Variants in GZMK observed in about 807,000 individuals in gnomAD.
GZMK encodes the protein granzyme K, also known as NK-Tryp-2.
GZMK carries 18 observed loss-of-function variants against 22.8 expected under a neutral mutation model. That is an observed-to-expected ratio of 0.79 (90% CI 0.54 to 1.17). The LOEUF (loss-of-function observed/expected upper bound fraction) is 1.17, where lower values mean the gene tolerates loss of function less well. Ranked by LOEUF, GZMK falls within the 50% of genes most tolerant of loss-of-function variation. GZMK has a pLI of 0.00. For synonymous variants in GZMK, 136 were observed against 115.0 expected (o/e 1.18, Z -1.17); for missense variants, 342 against 320.2 (o/e 1.07, Z -0.52).
chr5:55,032,568 C>T (rs1374632367), intron 4 of GZMK: 1 of 152,144 alleles, frequency 6.6e-6, no homozygotes, highest in Non-Finnish European at 1.5e-5. Context: ...CCCGTTTCTA[C>T]AAAAAATACA....
intron 3 of GZMK, 67 bp from the exon 4 acceptor site, chr5:55,031,297 C>G (rs1224558674): frequency 7.3e-7 from 1 of 1,365,010 alleles, no homozygotes; most frequent in South Asian, 1.3e-5. Flanking sequence ...ACCACACATA[C>G]GACGCACAGG....
At chr5:55,032,736 G>GA (rs1388870204) in intron 4 of GZMK, 22 of 151,284 alleles carry the variant, frequency 1.5e-4, no homozygotes. Context: ...TGTCTTAAAA[G>GA]AAAAAAAGGA....
chr5:55,034,368 G>T lies in GZMK; in HGVS notation c.*442G>T. On this transcript the variant is annotated 3_prime_UTR_variant, in exon 5 of 5. Transcript: ENST00000231009. ...GTATGATACATTATTGTTAACTATAGGCATGATCTTGCAGTGCAGATCTCT... is the reference window on the plus strand; with the variant it reads ...GTATGATACATTATTGTTAACTATATGCATGATCTTGCAGTGCAGATCTCT... The T allele has an allele frequency of 6.4e-6, 1 of 156,186 alleles. No individual in the cohort carries two copies. The highest frequency in any genetic ancestry group is 1.4e-5 in the Non-Finnish European group (1 of 70,458). The allele number at this position is 156,186 out of a possible 1,614,324, so 9.7% of individuals were successfully genotyped here.
intron 2 of GZMK, 132 bp downstream of exon 2, chr5:55,024,939 T>G (rs374443225): frequency 7.4e-6 from 4 of 538,550 alleles, no homozygotes; most frequent in African/African-American, 3.8e-5. Context: ...CTGGTGGCGT[T>G]TATTTACCTT....
Position 55,033,917 on chromosome 5 carries a change from T to C in GZMK, c.786T>C (p.His262=), listed in dbSNP as rs199899740. The C allele has an allele frequency of 1.3e-4, 212 of 1,599,218 alleles. No individual in the cohort carries two copies. Among genetic ancestry groups the C allele is most frequent in the Non-Finnish European group, 1.6e-4 (192 of 1,176,082 alleles). ...TCAAAAGCAACCTTGTCCCGCCTCA[T>C]ACAAATTAAGTTACAAATAATTTTA... The part of the protein sequence containing the change: ...TWIKSNLVPP[H]TN The change falls in exon 5 of 5, where the codon CAT becomes CAC. Residue 262 remains histidine, a synonymous_variant. Transcript: ENST00000231009.
At chr5:55,031,656 G>A in intron 4 of GZMK, 23 bp downstream of exon 4, 2 of 1,604,328 alleles carry the variant, frequency 1.2e-6, no homozygotes, top group Non-Finnish European at 1.7e-6. Context: ...CTTTCAAACA[G>A]GCATCTTGGA....
At chr5:55,029,706 G>A (rs1032544144) in intron 2 of GZMK, among the ~76,000 whole-genome samples, 2 of 152,162 alleles carry the variant, frequency 1.3e-5, no homozygotes, top group Non-Finnish European at 2.9e-5. Context: ...ACCATGCCCA[G>A]CATGCACCAG....
intron 2 of GZMK, among the ~76,000 whole-genome samples, chr5:55,029,860 T>C (rs1433892259): frequency 1.3e-5 from 2 of 152,146 alleles, no homozygotes; most frequent in African/African-American, 4.8e-5. Flanking sequence ...CTGGCTACCT[T>C]AATTATTAAA....
intron 4 of GZMK, 98 bp downstream of exon 4, chr5:55,031,731 A>C: frequency 1.1e-6 from 1 of 900,480 alleles, no homozygotes; most frequent in Non-Finnish European, 1.7e-6. Context: ...GGCATGGAGA[A>C]TACAAAACCA....
chr5:55,030,386 G>A, intron 2 of GZMK, 48 bp from the exon 3 acceptor site: 1 of 1,587,470 alleles, frequency 6.3e-7, no homozygotes, highest in Non-Finnish European at 8.6e-7. Flanking sequence ...TCCCCACTGG[G>A]GGATTTGGAA....
At chr5:55,028,692 G>C (rs1228423293) in intron 2 of GZMK, 1 of 152,158 alleles carries the variant, frequency 6.6e-6, no homozygotes, top group Non-Finnish European at 1.5e-5. Flanking sequence ...TTTCCAAGTA[G>C]CAAAGAAATA....
chr5:55,026,065 T>C lies in GZMK; in HGVS notation c.212+1258T>C, dbSNP rs143035892. ...TGGGGAACTGTCAGCGAATGTTCATTTGATGCAAAATATGCACATCTTCAA... is the reference window on the plus strand; with the variant it reads ...TGGGGAACTGTCAGCGAATGTTCATCTGATGCAAAATATGCACATCTTCAA... On this transcript the variant is annotated intron_variant, in intron 2 of 4. Transcript: ENST00000231009. Among the ~76,000 whole-genome samples the C allele has an allele frequency of 2.8e-3, 431 of 152,340 alleles. 1 individual carries two copies. The highest frequency in any genetic ancestry group is 7.3e-3 in the African/African-American group (304 of 41,576).
At position 55,033,800 on chromosome 5, in the gene GZMK, C is replaced by T. The variant is rs748882473; in HGVS notation, c.669C>T (p.Val223=). Residue 223 remains valine (V), a synonymous_variant, in exon 5 of 5, where the codon GTC becomes GTT. Coordinates refer to ENST00000231009, the MANE Select transcript of GZMK (RefSeq NM_002104.3). ...GGGGCCCCTTGATCTGTAAAGGTGT[C>T]TTCCACGCTATAGTCTCTGGAGGTC... ...DSGGPLICKG[V]FHAIVSGGHE... is the part of the protein sequence containing the mutation. 3.7e-6 allele frequency: 6 copies of T among 1,613,592 alleles called. No individual in the cohort carries two copies. The highest frequency in any genetic ancestry group is 1.3e-5 in the African/African-American group (1 of 75,044).
intron 2 of GZMK, among the ~76,000 whole-genome samples, chr5:55,025,305 G>A (rs1278023762): frequency 6.6e-6 from 1 of 152,130 alleles, no homozygotes; most frequent in Non-Finnish European, 1.5e-5. Flanking sequence ...AGTATTATAC[G>A]CATGAGAAGC....
At position 55,033,871 on chromosome 5, in the gene GZMK, C is replaced by G; in HGVS notation, c.740C>G (p.Thr247Ser). The change falls in exon 5 of 5, where the codon ACC (threonine) becomes AGC (serine). Residue 247 changes from threonine (T) to serine (S), a missense_variant. By Grantham distance (58) the Thr-to-Ser change is moderately conservative. Transcript: ENST00000231009. ...AAGCCTGGAATCTACACCCTGTTAA[C>G]CAAGAAATACCAGACTTGGATCAAA... The part of the protein sequence containing the change: ...ATKPGIYTLL[T>S]KKYQTWIKSN... 13 of 1,613,772 alleles carry G rather than the reference C, an allele frequency of 8.1e-6. No homozygotes were observed. Among genetic ancestry groups the G allele is most frequent in the Non-Finnish European group, 1.1e-5 (13 of 1,179,708 alleles).
chr5:55,026,358 T>C (rs946194833), intron 2 of GZMK, among the ~76,000 whole-genome samples: 2 of 152,082 alleles, frequency 1.3e-5, no homozygotes, highest in African/African-American at 4.8e-5. Context: ...GATTCCCAAA[T>C]TGGGGAAAGA....
At chr5:55,033,345 G>A (rs1741263341) in intron 4 of GZMK, among the ~76,000 whole-genome samples, 1 of 152,164 alleles carries the variant, frequency 6.6e-6, no homozygotes, top group Non-Finnish European at 1.5e-5. Context: ...TCGATTTTAG[G>A]TCTGTGAGCA....
intron 2 of GZMK, among the ~76,000 whole-genome samples, chr5:55,027,968 T>C (rs1643379630): frequency 6.6e-6 from 1 of 152,194 alleles, no homozygotes; most frequent in Admixed American, 6.5e-5. Flanking sequence ...AGGTACCCTG[T>C]GGGCAGAAAA....
At position 55,027,220 on chromosome 5, in the gene GZMK, G is replaced by C. The variant is rs984098784; in HGVS notation, c.212+2413G>C. On this transcript the variant is annotated intron_variant, in intron 2 of 4. Transcript: ENST00000231009. ...TAAAATGCTTAGCACAGAACACAAA[G>C]AACTTAATAGATGTTATCGAGTATT... Among the ~76,000 whole-genome samples, 3 of 152,206 alleles carry C rather than the reference G, an allele frequency of 2.0e-5. No homozygotes were observed. In the South Asian group the frequency reaches 6.2e-4, roughly 32 times the overall value.
Sources: gnomAD v4.1 joint callset for allele counts (sites outside exome capture counted in the v4.1 genomes callset) on GRCh38, gnomAD v4.1.1 for gene constraint, MANE v1.5 for transcripts, NCBI Gene and HGNC (gene_info 2026-07-23, HGNC 2026-07-21) for gene names.